Variants in NELL1 observed in about 807,000 individuals in gnomAD.
NELL1 encodes the protein protein kinase C-binding protein NELL1.
NELL1 carries 76 observed loss-of-function variants against 107.4 expected under a neutral mutation model. The observed-to-expected ratio is 0.71, with a 90% confidence interval of 0.59 to 0.86. The LOEUF (loss-of-function observed/expected upper bound fraction) is 0.86. Among genes scored for constraint, NELL1 ranks in the 40% least tolerant of loss-of-function variants. The pLI is 0.00. For synonymous variants in NELL1, 353 were observed against 341.2 expected, an observed-to-expected ratio of 1.03 and a Z score of -0.38; for missense variants, 1,024 against 1,005.5, an observed-to-expected ratio of 1.02 and a Z score of -0.25.
At chr11:21,402,496 C>T (rs1852121793) in intron 15 of NELL1, among the ~76,000 whole-genome samples, 1 of 151,716 alleles carries the variant, frequency 6.6e-6, no homozygotes, top group Non-Finnish European at 1.5e-5. Context: ...GCTTGAGTAG[C>T]CAGATGTTTT....
intron 16 of NELL1, among the ~76,000 whole-genome samples, chr11:21,547,860 C>G (rs1856481693): frequency 6.6e-6 from 1 of 151,836 alleles, no homozygotes; most frequent in South Asian, 2.1e-4. Context: ...TCTGAATTTT[C>G]TCATTGCCAC....
chr11:20,997,610 T>G (rs963500787), intron 12 of NELL1, among the ~76,000 whole-genome samples: 1 of 152,236 alleles, frequency 6.6e-6, no homozygotes, highest in Non-Finnish European at 1.5e-5. Context: ...GAAACTGTGG[T>G]AGAGGTATTC....
chr11:21,047,267 T>G (rs1853379432), intron 12 of NELL1, among the ~76,000 whole-genome samples: 1 of 152,176 alleles, frequency 6.6e-6, no homozygotes, highest in Non-Finnish European at 1.5e-5. Context: ...TATATGTTTG[T>G]CAGCCAGAAC....
chr11:21,273,105 G>A lies in NELL1; in HGVS notation c.1549+43651G>A, dbSNP rs996255577. Among the ~76,000 whole-genome samples the A allele has an allele frequency of 4.6e-4, 70 of 152,198 alleles. 1 individual carries two copies. Among genetic ancestry groups the A allele is most frequent in the Admixed American group, 1.4e-3 (22 of 15,274 alleles). ...AGGCTTCAGACGATCAAACTACTCC[G>A]AGCTACAGGAGGAAGTTCAAACCCA... On this transcript the variant is annotated intron_variant, in intron 14 of 19. Transcript: ENST00000357134.
chr11:20,919,583 T>A (rs1337282962), intron 7 of NELL1, among the ~76,000 whole-genome samples: 1 of 152,068 alleles, frequency 6.6e-6, no homozygotes, highest in Non-Finnish European at 1.5e-5. Context: ...TATGTATCAC[T>A]GTAGATTCCA....
intron 14 of NELL1, among the ~76,000 whole-genome samples, chr11:21,344,754 A>G (rs1049284579): frequency 6.6e-6 from 1 of 152,060 alleles, no homozygotes; most frequent in South Asian, 2.1e-4. Flanking sequence ...TATCTTTACA[A>G]TGGGGATTAT....
intron 12 of NELL1, among the ~76,000 whole-genome samples, chr11:21,009,055 A>G (rs1852390804): frequency 6.6e-6 from 1 of 152,110 alleles, no homozygotes; most frequent in South Asian, 2.1e-4. Flanking sequence ...CTTGATGTCC[A>G]TGGACCTGTG....
intron 13 of NELL1, among the ~76,000 whole-genome samples, chr11:21,199,701 G>T (rs933044472): frequency 3.9e-5 from 6 of 151,924 alleles, no homozygotes; most frequent in East Asian, 1.9e-4. Flanking sequence ...AGAACGTGCA[G>T]GTTTGTTACA....
intron 15 of NELL1, among the ~76,000 whole-genome samples, chr11:21,413,603 C>T: frequency 6.6e-6 from 1 of 152,010 alleles, no homozygotes; most frequent in Non-Finnish European, 1.5e-5. Flanking sequence ...GAACCTAGAC[C>T]TTCTGACACC....
At chr11:21,316,297 A>T (rs1849879852) in intron 14 of NELL1, among the ~76,000 whole-genome samples, 1 of 152,178 alleles carries the variant, frequency 6.6e-6, no homozygotes, top group African/African-American at 2.4e-5. Flanking sequence ...GCTTTTTTAA[A>T]ACACGAGATG....
At chr11:21,568,715 T>C (rs1857028798) in intron 17 of NELL1, among the ~76,000 whole-genome samples, 1 of 151,694 alleles carries the variant, frequency 6.6e-6, no homozygotes, top group Admixed American at 6.6e-5. Flanking sequence ...ATTATCAATA[T>C]CACTGTCTTT....
At chr11:20,929,926 C>T (rs553485142) in intron 9 of NELL1, among the ~76,000 whole-genome samples, 3 of 149,548 alleles carry the variant, frequency 2.0e-5, no homozygotes, top group South Asian at 2.1e-4. Context: ...GAGCTGAGAT[C>T]GCGCCACTGC....
At position 21,113,429 on chromosome 11, in the gene NELL1, G is replaced by A. The variant is rs549861336; in HGVS notation, c.1301-160G>A. Among the ~76,000 whole-genome samples the A allele has an allele frequency of 7.2e-5, 11 of 152,076 alleles. 1 individual carries two copies. In the South Asian group the frequency reaches 2.1e-3, roughly 29 times the overall value. ...CTTTCAGCTCAGGATGGGATCTAAC[G>A]TACCAAGCTGAATTTTCACCTAAGC... On this transcript the variant is annotated intron_variant, in intron 12 of 19. Transcript: ENST00000357134.
chr11:21,150,465 C>T (rs1044128155), intron 13 of NELL1, among the ~76,000 whole-genome samples: 1 of 152,098 alleles, frequency 6.6e-6, no homozygotes, highest in African/African-American at 2.4e-5. Flanking sequence ...CATTAATCCT[C>T]TTCAATTGCT....
At chr11:21,196,856 T>C (rs1198120995) in intron 13 of NELL1, among the ~76,000 whole-genome samples, 2 of 151,692 alleles carry the variant, frequency 1.3e-5, no homozygotes, top group Non-Finnish European at 2.9e-5. Flanking sequence ...CATGGTGTTA[T>C]TTAATTCTTT....
intron 16 of NELL1, among the ~76,000 whole-genome samples, chr11:21,546,150 G>A (rs1480303401): frequency 6.6e-6 from 1 of 151,898 alleles, no homozygotes; most frequent in East Asian, 2.0e-4. Context: ...CCAGGATCCG[G>A]CCTCAATGTT....
At chr11:21,444,708 G>T (rs1198554705) in intron 15 of NELL1, among the ~76,000 whole-genome samples, 2 of 151,988 alleles carry the variant, frequency 1.3e-5, no homozygotes, top group Non-Finnish European at 2.9e-5. Context: ...ATCATCTCAA[G>T]CATTTATCCT....
At chr11:21,381,904 ATTTTTTT>A (rs149327802) in intron 15 of NELL1, among the ~76,000 whole-genome samples, 8 of 91,356 alleles carry the variant, frequency 8.8e-5, no homozygotes, top group Admixed American at 2.5e-4. Context: ...CCTGGAAGGG[ATTTTTTT>A]TTTTTTTTTT....
chr11:20,975,874 C>T (rs1414198810), intron 12 of NELL1, among the ~76,000 whole-genome samples: 2 of 121,738 alleles, frequency 1.6e-5, no homozygotes, highest in Admixed American at 8.4e-5. Context: ...ATTATATATA[C>T]ACATACATGT....
Sources: allele counts gnomAD v4.1 joint callset (sites outside exome capture counted in the v4.1 genomes callset), GRCh38; gene constraint gnomAD v4.1.1; transcripts MANE v1.5; gene names NCBI Gene and HGNC (gene_info 2026-07-23, HGNC 2026-07-21).